Variants in CSMD3 observed in about 807,000 individuals in gnomAD.
The protein encoded by CSMD3 is CUB and sushi domain-containing protein 3.
A neutral mutation model predicts 435.2 loss-of-function variants in CSMD3; 177 were observed. That is an observed-to-expected ratio of 0.41 (90% CI 0.36 to 0.46). CSMD3 has a LOEUF of 0.46. Among genes scored for constraint, CSMD3 ranks in the 20% least tolerant of loss-of-function variants. The pLI, the probability that CSMD3 is intolerant of heterozygous loss-of-function variation, is 0.34. For missense variants in CSMD3, 4,265 were observed against 4,504.6 expected (o/e 0.95, Z 1.52); for synonymous variants, 1,656 against 1,520.5 (o/e 1.09, Z -2.07).
intron 13 of CSMD3, among the ~76,000 whole-genome samples, chr8:112,725,546 C>G (rs1222143853): frequency 6.6e-6 from 1 of 151,918 alleles, no homozygotes; most frequent in African/African-American, 2.4e-5. Context: ...AACTCTAAAT[C>G]ATGGTGGTAT....
chr8:112,581,413 C>T (rs998297906), intron 23 of CSMD3, among the ~76,000 whole-genome samples: 2 of 151,868 alleles, frequency 1.3e-5, no homozygotes, highest in African/African-American at 4.8e-5. Flanking sequence ...TAATATATCA[C>T]CAAATATAAC....
intron 1 of CSMD3, among the ~76,000 whole-genome samples, chr8:113,383,010 T>A (rs953243006): frequency 2.0e-5 from 3 of 151,032 alleles, no homozygotes; most frequent in African/African-American, 7.4e-5. Context: ...AAGTAATAAA[T>A]AAACAGTTGT....
At chr8:113,324,101 G>A (rs2093967180) in intron 1 of CSMD3, among the ~76,000 whole-genome samples, 1 of 152,114 alleles carries the variant, frequency 6.6e-6, no homozygotes, top group Non-Finnish European at 1.5e-5. Context: ...GTTGTTAAAG[G>A]CATTCAGAAG....
chr8:112,429,653 G>A (rs1051130411), intron 32 of CSMD3, among the ~76,000 whole-genome samples: 1 of 151,964 alleles, frequency 6.6e-6, no homozygotes, highest in Admixed American at 6.6e-5. Flanking sequence ...TAGGCAGAGA[G>A]TTTGAAAATA....
At chr8:112,779,761 G>A (rs1175891173) in intron 13 of CSMD3, among the ~76,000 whole-genome samples, 1 of 151,940 alleles carries the variant, frequency 6.6e-6, no homozygotes, top group Non-Finnish European at 1.5e-5. Flanking sequence ...AATTCTGAAT[G>A]AAAATTATCA....
intron 28 of CSMD3, 56 bp downstream of exon 28, chr8:112,516,978 G>C: frequency 7.3e-7 from 1 of 1,374,734 alleles, no homozygotes; most frequent in African/African-American, 1.4e-5. Context: ...AACAATACCA[G>C]TTTTTAACCA....
At chr8:112,974,206 TATTTA>T (rs2084763328) in intron 7 of CSMD3, among the ~76,000 whole-genome samples, 1 of 151,944 alleles carries the variant, frequency 6.6e-6, no homozygotes, top group Non-Finnish European at 1.5e-5. Flanking sequence ...ACCTTAAAAG[TATTTA>T]ATTTAATTTA....
chr8:112,738,010 G>A (rs954161384), intron 13 of CSMD3, among the ~76,000 whole-genome samples: 2 of 151,724 alleles, frequency 1.3e-5, no homozygotes, highest in African/African-American at 4.8e-5. Flanking sequence ...ATGATAGTTT[G>A]ATTGACAGCT....
chr8:112,617,374 AC>A (rs1301163168), intron 22 of CSMD3, among the ~76,000 whole-genome samples: 1 of 152,180 alleles, frequency 6.6e-6, no homozygotes, highest in African/African-American at 2.4e-5. Context: ...ATTAAAATGG[AC>A]CAGATAAGTG....
At chr8:112,656,535 C>T (rs1031687692) in intron 17 of CSMD3, among the ~76,000 whole-genome samples, 194 bp from the exon 18 acceptor site, 4 of 151,830 alleles carry the variant, frequency 2.6e-5, no homozygotes, top group African/African-American at 9.7e-5. Flanking sequence ...AGCTCTTATT[C>T]CTATGAAAAA....
intron 10 of CSMD3, among the ~76,000 whole-genome samples, chr8:112,895,262 T>C (rs1197838909): frequency 6.6e-6 from 1 of 151,370 alleles, no homozygotes; most frequent in African/African-American, 2.4e-5. Context: ...AAAAATAATG[T>C]GTTGCAGAAA....
At chr8:112,373,434 C>A (rs1387933813) in intron 38 of CSMD3, among the ~76,000 whole-genome samples, 2 of 152,020 alleles carry the variant, frequency 1.3e-5, no homozygotes, top group Non-Finnish European at 2.9e-5. Flanking sequence ...ACACACACCA[C>A]TCACACGCAA....
intron 1 of CSMD3, among the ~76,000 whole-genome samples, chr8:113,323,769 T>C (rs1047550911): frequency 3.3e-5 from 5 of 152,218 alleles, no homozygotes; most frequent in Non-Finnish European, 7.3e-5. Flanking sequence ...TGAATGTTAA[T>C]TTAATTTCTA....
chr8:113,223,988 C>A (rs1306602079), intron 3 of CSMD3, among the ~76,000 whole-genome samples: 1 of 150,962 alleles, frequency 6.6e-6, no homozygotes, highest in Admixed American at 6.6e-5. Flanking sequence ...CACATTTTTT[C>A]TAGCATGTTC....
intron 54 of CSMD3, 75 bp from the exon 55 acceptor site, chr8:112,292,785 G>T (rs2130692777): frequency 7.9e-7 from 1 of 1,261,480 alleles, no homozygotes; most frequent in Non-Finnish European, 1.2e-6. Flanking sequence ...TTGCATTATT[G>T]ATTATACTTA....
At chr8:112,493,832 A>C (rs73328670) in intron 30 of CSMD3, among the ~76,000 whole-genome samples, 13,634 of 152,118 alleles carry the variant, frequency 0.09, 637 homozygotes, top group South Asian at 0.12. Context: ...GTAATTATTG[A>C]TTACTTAAGA....
At chr8:112,249,893 A>C (rs1815111727) in intron 63 of CSMD3, among the ~76,000 whole-genome samples, 1 of 152,088 alleles carries the variant, frequency 6.6e-6, no homozygotes, top group Admixed American at 6.6e-5. Context: ...CATCTCTGTT[A>C]GAAATGTTAG....
intron 1 of CSMD3, among the ~76,000 whole-genome samples, chr8:113,343,835 G>A (rs2094135328): frequency 6.6e-6 from 1 of 152,190 alleles, no homozygotes; most frequent in Non-Finnish European, 1.5e-5. Context: ...ACTTTGGGAG[G>A]CTGAGGCGGG....
intron 10 of CSMD3, among the ~76,000 whole-genome samples, chr8:112,878,665 C>A (rs923744263): frequency 6.6e-6 from 1 of 152,078 alleles, no homozygotes; most frequent in Non-Finnish European, 1.5e-5. Context: ...TGGAACCAAT[C>A]CAAATGTCCA....
Sources: allele counts gnomAD v4.1 joint callset (sites outside exome capture counted in the v4.1 genomes callset), GRCh38; gene constraint gnomAD v4.1.1; transcripts MANE v1.5; gene names NCBI Gene and HGNC (gene_info 2026-07-23, HGNC 2026-07-21).